ANKS1B: variants seen among roughly 807,000 people sequenced by gnomAD.
ANKS1B encodes the protein ankyrin repeat and sterile alpha motif domain-containing protein 1B.
Under a neutral mutation model 148.3 loss-of-function variants are expected in ANKS1B, and 36 were observed. That is an observed-to-expected ratio of 0.24 (90% CI 0.19 to 0.32). ANKS1B has a LOEUF of 0.32. ANKS1B is among the 10% of genes least tolerant of loss of function. ANKS1B has a pLI of 1.00. For missense variants in ANKS1B, 1,157 were observed against 1,542.6 expected (o/e 0.75, Z 4.19); for synonymous variants, 542 against 560.8 (o/e 0.97, Z 0.47).
At chr12:99,754,266 G>T (rs1252442339) in intron 8 of ANKS1B, among the ~76,000 whole-genome samples, 1 of 151,904 alleles carries the variant, frequency 6.6e-6, no homozygotes, top group Non-Finnish European at 1.5e-5. Context: ...GACAAAAGAG[G>T]GCATTACATA....
intron 14 of ANKS1B, among the ~76,000 whole-genome samples, chr12:99,158,963 T>G (rs1239276994): frequency 6.6e-6 from 1 of 152,148 alleles, no homozygotes; most frequent in Non-Finnish European, 1.5e-5. Flanking sequence ...AGGGGCTCCT[T>G]TCTTCCACCC....
At chr12:99,360,399 G>T (rs772211552) in intron 12 of ANKS1B, among the ~76,000 whole-genome samples, 2 of 152,048 alleles carry the variant, frequency 1.3e-5, no homozygotes, top group Non-Finnish European at 2.9e-5. Context: ...GGTTTCTAAA[G>T]GCCAAATATC....
At chr12:98,772,065 G>C (rs2098591979) in intron 25 of ANKS1B, among the ~76,000 whole-genome samples, 1 of 152,200 alleles carries the variant, frequency 6.6e-6, no homozygotes, top group Non-Finnish European at 1.5e-5. Flanking sequence ...TGAGATACTA[G>C]GTAGGGCTGG....
intron 17 of ANKS1B, among the ~76,000 whole-genome samples, chr12:98,978,869 C>T (rs945753166): frequency 2.0e-5 from 3 of 152,002 alleles, no homozygotes; most frequent in Non-Finnish European, 2.9e-5. Context: ...GAGGGCCGGG[C>T]GCGGTGGCTC....
At chr12:99,090,135 C>T (rs2053537502) in intron 15 of ANKS1B, among the ~76,000 whole-genome samples, 1 of 151,954 alleles carries the variant, frequency 6.6e-6, no homozygotes, top group African/African-American at 2.4e-5. Context: ...GTTAGGATGC[C>T]CAAATAGAAT....
chr12:98,847,946 G>C (rs1321964464), intron 17 of ANKS1B, among the ~76,000 whole-genome samples: 3 of 152,122 alleles, frequency 2.0e-5, no homozygotes, highest in Non-Finnish European at 4.4e-5. Context: ...CAGAACTGAA[G>C]AATCATATGG....
chr12:99,709,366 C>G (rs1249150618), intron 8 of ANKS1B, among the ~76,000 whole-genome samples: 1 of 152,126 alleles, frequency 6.6e-6, no homozygotes, highest in Non-Finnish European at 1.5e-5. Flanking sequence ...AGCAGTTGCT[C>G]TGACACCTGA....
Position 99,720,947 on chromosome 12 carries a change from C to A in ANKS1B, c.1128+51975G>T, listed in dbSNP as rs562149031. On this transcript the variant is annotated intron_variant, in intron 8 of 26. Coordinates refer to ENST00000683438, the MANE Select transcript of ANKS1B (RefSeq NM_001352186.2). The stretch of plus-strand genomic sequence containing the variant: ...AAAGTAAATAAATAATCTTTGCTGG[C>A]AGGGCTATGCTGAACCTCCTTAGGC... Among the ~76,000 whole-genome samples, 13 of 152,332 alleles carry A rather than the reference C, an allele frequency of 8.5e-5. No homozygotes were observed. The East Asian group carries it at 2.5e-3, about 29-fold the overall frequency.
intron 14 of ANKS1B, among the ~76,000 whole-genome samples, chr12:99,181,922 T>G (rs928515580): frequency 2.0e-5 from 3 of 152,162 alleles, no homozygotes; most frequent in African/African-American, 7.2e-5. Context: ...TTTCTATTTA[T>G]TTGTACCCAT....
intron 9 of ANKS1B, among the ~76,000 whole-genome samples, chr12:99,624,325 T>A (rs573860458): frequency 1.3e-5 from 2 of 152,104 alleles, no homozygotes; most frequent in Non-Finnish European, 2.9e-5. Context: ...GGGAAACTAC[T>A]TTTTAGACAT....
intron 12 of ANKS1B, among the ~76,000 whole-genome samples, chr12:99,272,763 C>T (rs944600341): frequency 2.0e-5 from 3 of 152,138 alleles, no homozygotes; most frequent in African/African-American, 7.2e-5. Context: ...CTATAAATCC[C>T]TTTCTTCTCT....
At chr12:98,740,805 T>C (rs1488874692), downstream of ANKS1B, among the ~76,000 whole-genome samples, 4 of 152,146 alleles carry the variant, frequency 2.6e-5, no homozygotes, top group Admixed American at 6.5e-5. Flanking sequence ...GCAGAAGTTG[T>C]GGGGTGGAGC....
intron 25 of ANKS1B, among the ~76,000 whole-genome samples, chr12:98,768,713 G>T (rs1300975363): frequency 7.0e-6 from 1 of 142,158 alleles, no homozygotes; most frequent in Non-Finnish European, 1.5e-5. Flanking sequence ...CAGCTTGGGC[G>T]ACAGAGCGAG....
intron 1 of ANKS1B, among the ~76,000 whole-genome samples, chr12:99,860,586 G>A (rs987157297): frequency 6.6e-6 from 1 of 152,190 alleles, no homozygotes; most frequent in Non-Finnish European, 1.5e-5. Context: ...GGTTCAAAGT[G>A]TGTGAGACTA....
At chr12:99,467,406 C>G (rs1011426515) in intron 10 of ANKS1B, among the ~76,000 whole-genome samples, 3 of 152,154 alleles carry the variant, frequency 2.0e-5, no homozygotes, top group Non-Finnish European at 2.9e-5. Flanking sequence ...TCTCACCACT[C>G]CTATTCAACA....
intron 1 of ANKS1B, among the ~76,000 whole-genome samples, chr12:99,875,935 C>T (rs1020597887): frequency 1.3e-5 from 2 of 152,114 alleles, no homozygotes; most frequent in African/African-American, 4.8e-5. Context: ...AGGAAGCAGT[C>T]GCATTATACA....
intron 2 of ANKS1B, among the ~76,000 whole-genome samples, chr12:99,820,941 C>T (rs897272646): frequency 5.9e-5 from 9 of 151,900 alleles, no homozygotes; most frequent in Admixed American, 6.6e-5. Flanking sequence ...ATTGTTTCTC[C>T]ATCTATAAAA....
chr12:99,855,401 A>C (rs935784112), intron 1 of ANKS1B, among the ~76,000 whole-genome samples: 2 of 152,140 alleles, frequency 1.3e-5, no homozygotes, highest in African/African-American at 4.8e-5. Flanking sequence ...TGGAGATCCC[A>C]AATTTATGAA....
At chr12:99,905,971 A>C (rs1294924259) in intron 1 of ANKS1B, among the ~76,000 whole-genome samples, 4 of 152,232 alleles carry the variant, frequency 2.6e-5, no homozygotes, top group African/African-American at 9.6e-5. Context: ...AGGTTAGATG[A>C]ATCCAAGAAT....
Sources: gnomAD v4.1 joint callset for allele counts (sites outside exome capture counted in the v4.1 genomes callset) on GRCh38, gnomAD v4.1.1 for gene constraint, MANE v1.5 for transcripts, NCBI Gene and HGNC (gene_info 2026-07-23, HGNC 2026-07-21) for gene names.